The following SHROOM3 variants were observed in gnomAD, a reference collection of about 807,000 sequenced individuals.
SHROOM3 encodes the protein shroom family member 3.
SHROOM3 carries 47 observed loss-of-function variants against 138.6 expected under a neutral mutation model. That is an observed-to-expected ratio of 0.34 (90% CI 0.27 to 0.43). SHROOM3 has a LOEUF of 0.43. SHROOM3 is among the 20% of genes least tolerant of loss of function. SHROOM3 has a pLI of 1.00. For synonymous variants in SHROOM3, 1,062 were observed against 1,063.3 expected (o/e 1.00, Z 0.02); for missense variants, 2,491 against 2,596.5 (o/e 0.96, Z 0.88).
intron 2 of SHROOM3, among the ~76,000 whole-genome samples, chr4:76,582,982 G>T (rs1258286255): frequency 6.6e-6 from 1 of 152,202 alleles, no homozygotes; most frequent in Non-Finnish European, 1.5e-5. Context: ...AAAGAATCTG[G>T]ACAGGTAGAA....
chr4:76,670,882 G>A (rs564220669), intron 2 of SHROOM3, among the ~76,000 whole-genome samples: 24 of 152,250 alleles, frequency 1.6e-4, no homozygotes, highest in African/African-American at 5.8e-4. Flanking sequence ...GAGCCTGGGA[G>A]GTCACAGTGA....
At chr4:76,633,098 C>T (rs533202079) in intron 2 of SHROOM3, among the ~76,000 whole-genome samples, 7 of 151,912 alleles carry the variant, frequency 4.6e-5, no homozygotes, top group African/African-American at 1.4e-4. Context: ...CAGCCGAGCG[C>T]GGTGGCTCAT....
At chr4:76,440,233 G>A (rs1262873757) in intron 1 of SHROOM3, among the ~76,000 whole-genome samples, 1 of 152,182 alleles carries the variant, frequency 6.6e-6, no homozygotes, top group African/African-American at 2.4e-5. Flanking sequence ...ACTTCACAGA[G>A]AGGGTAACAC....
chr4:76,589,123 C>T (rs191868566), intron 2 of SHROOM3, among the ~76,000 whole-genome samples: 2 of 152,338 alleles, frequency 1.3e-5, no homozygotes, highest in East Asian at 3.9e-4. Context: ...AAGCTCTCAA[C>T]AAACTTGTGT....
Position 76,741,578 on chromosome 4 carries a change from G to T in SHROOM3, c.3405G>T (p.Ser1135=). 6.5e-7 allele frequency: 1 copy of T among 1,542,464 alleles called. No homozygotes were observed. The highest frequency in any genetic ancestry group is 1.2e-5 in the South Asian group (1 of 84,334). ...PAALEGSGLA[S]ASSLSSLREP... is the part of the protein sequence containing the mutation. Reference sequence around the variant, plus strand: ...CGCTCGAAGGCTCCGGCCTCGCCTCGGCCTCCAGCTTGAGCTCACTGCGGG... The same window carrying T: ...CGCTCGAAGGCTCCGGCCTCGCCTCTGCCTCCAGCTTGAGCTCACTGCGGG... The change falls in exon 5 of 11, where the codon TCG becomes TCT. Residue 1135 remains serine (S), a synonymous_variant. Transcript: ENST00000296043. The surrounding 1 kb of genome is among the most constrained non-coding windows in gnomAD (Gnocchi z 6.2).
intron 1 of SHROOM3, among the ~76,000 whole-genome samples, chr4:76,555,064 G>A (rs146287915): frequency 2.8e-4 from 43 of 151,542 alleles, no homozygotes; most frequent in African/African-American, 9.7e-4. Flanking sequence ...TCAGGGCTCC[G>A]CTGATTCTAT....
At chr4:76,682,438 T>C (rs1719225417) in intron 2 of SHROOM3, among the ~76,000 whole-genome samples, 2 of 152,208 alleles carry the variant, frequency 1.3e-5, no homozygotes, top group African/African-American at 4.8e-5. Context: ...TCCGCACTTT[T>C]GACCACCACA....
intron 2 of SHROOM3, among the ~76,000 whole-genome samples, chr4:76,594,362 G>A (rs1245169037): frequency 3.9e-5 from 6 of 152,158 alleles, no homozygotes; most frequent in Non-Finnish European, 8.8e-5. Flanking sequence ...GTAGCGCCTG[G>A]TGCATGCAGA....
At chr4:76,528,199 A>C (rs1428703176) in intron 1 of SHROOM3, among the ~76,000 whole-genome samples, 1 of 152,200 alleles carries the variant, frequency 6.6e-6, no homozygotes, top group African/African-American at 2.4e-5. Context: ...ATTTCTCTAT[A>C]ATTGAATTAG....
chr4:76,677,536 C>T (rs1257300946), intron 2 of SHROOM3, among the ~76,000 whole-genome samples: 7 of 152,172 alleles, frequency 4.6e-5, no homozygotes, highest in Non-Finnish European at 1.0e-4. Context: ...GCACAAAATA[C>T]ATGGTGGCTG....
At chr4:76,570,543 C>T (rs930123962) in intron 2 of SHROOM3, among the ~76,000 whole-genome samples, 2 of 152,146 alleles carry the variant, frequency 1.3e-5, no homozygotes, top group African/African-American at 4.8e-5. Flanking sequence ...GTCAAAAACT[C>T]CGAGTCACTC....
Position 76,754,581 on chromosome 4 carries a change from C to T in SHROOM3, c.4098C>T (p.Tyr1366=). The change falls in exon 7 of 11, where the codon TAC becomes TAT. Residue 1366 remains tyrosine, a synonymous_variant. Coordinates refer to ENST00000296043, the MANE Select transcript of SHROOM3 (RefSeq NM_020859.4). The stretch of plus-strand genomic sequence containing the variant: ...TGCCTTCAGCCATTCCCTCTGGCTA[C>T]TGCTCACAGGACGGTCAGACAGGGC... ...TPLPSAIPSG[Y]CSQDGQTGRQ... is the part of the protein sequence containing the mutation. 3 of 1,614,162 alleles carry T rather than the reference C, an allele frequency of 1.9e-6. No individual in the cohort carries two copies. The highest frequency in any genetic ancestry group is 2.5e-6 in the Non-Finnish European group (3 of 1,180,014).
intron 1 of SHROOM3, among the ~76,000 whole-genome samples, chr4:76,492,783 G>A (rs1012687182): frequency 1.3e-5 from 2 of 152,120 alleles, no homozygotes; most frequent in Admixed American, 1.3e-4. Context: ...TATTCTACAT[G>A]GTATTGGGCT....
chr4:76,756,495 C>G lies in SHROOM3; in HGVS notation c.4756C>G (p.Pro1586Ala). 1 of 1,613,682 alleles carries G rather than the reference C, an allele frequency of 6.2e-7. No homozygotes were observed. Among genetic ancestry groups the G allele is most frequent in the Non-Finnish European group, 8.5e-7 (1 of 1,179,976 alleles). The change falls in exon 8 of 11, where the codon CCT (proline) becomes GCT (alanine). Residue 1586 changes from proline (P) to alanine (A), a missense_variant. By Grantham distance (27) the Pro-to-Ala change is conservative. Coordinates refer to ENST00000296043, the MANE Select transcript of SHROOM3 (RefSeq NM_020859.4). ...KVTIARERHMPGAAHVVGSQT... is the reference protein window; with the variant it reads ...KVTIARERHMAGAAHVVGSQT... ...GACAATTGCAAGGGAAAGGCACATGCCTGGTGCAGCCCATGTGGTAGGTAG... is the reference window on the plus strand; with the variant it reads ...GACAATTGCAAGGGAAAGGCACATGGCTGGTGCAGCCCATGTGGTAGGTAG...
chr4:76,646,125 T>C (rs1488260468), intron 2 of SHROOM3, among the ~76,000 whole-genome samples: 2 of 151,122 alleles, frequency 1.3e-5, no homozygotes, highest in Non-Finnish European at 2.9e-5. Flanking sequence ...ATGTAAACGA[T>C]GAGTTAACGG....
intron 3 of SHROOM3, among the ~76,000 whole-genome samples, chr4:76,715,226 A>G (rs1720339799): frequency 6.6e-6 from 1 of 152,232 alleles, no homozygotes; most frequent in Non-Finnish European, 1.5e-5. Context: ...GAAAATAGCC[A>G]GGAAGGATCT....
intron 2 of SHROOM3, among the ~76,000 whole-genome samples, chr4:76,693,378 T>TTTTTTTTTTG (rs1553937647): frequency 2.3e-5 from 3 of 132,196 alleles, no homozygotes; most frequent in East Asian, 4.7e-4. Flanking sequence ...TTGTTTTTTT[T>TTTTTTTTTTG]TTTTTTTTTT....
chr4:76,674,086 CTG>C (rs1336887345), intron 2 of SHROOM3, among the ~76,000 whole-genome samples: 1 of 151,946 alleles, frequency 6.6e-6, no homozygotes, highest in East Asian at 1.9e-4. Context: ...GTTGACCAGG[CTG>C]GTCTGAAACT....
At chr4:76,518,392 T>TGAAAGACAGAGGCAAAAACA (rs1259942418) in intron 1 of SHROOM3, among the ~76,000 whole-genome samples, 1 of 152,182 alleles carries the variant, frequency 6.6e-6, no homozygotes, top group Non-Finnish European at 1.5e-5. Context: ...CCCATGTCTT[T>TGAAAGACAGAGGCAAAAACA]GAAAGACAGA....
Sources: gnomAD v4.1 joint callset for allele counts (sites outside exome capture counted in the v4.1 genomes callset) on GRCh38, gnomAD v4.1.1 for gene constraint, Gnocchi (gnomAD v3.1) non-coding constraint, MANE v1.5 for transcripts, NCBI Gene and HGNC (gene_info 2026-07-23, HGNC 2026-07-21) for gene names.